The following STPG2 variants were observed in gnomAD, a reference collection of about 807,000 sequenced individuals.
The protein encoded by STPG2 is sperm tail PG-rich repeat containing 2, also known as sperm-tail PG-rich repeat-containing protein 2.
STPG2 carries 56 observed loss-of-function variants against 54.2 expected under a neutral mutation model. That is an observed-to-expected ratio of 1.03 (90% CI 0.83 to 1.29). The LOEUF (loss-of-function observed/expected upper bound fraction) is 1.29. Among genes scored for constraint, STPG2 ranks in the 50% most tolerant of loss-of-function variants. STPG2 has a pLI of 0.00. For synonymous variants in STPG2, 200 were observed against 181.8 expected, an observed-to-expected ratio of 1.10 and a Z score of -0.81; for missense variants, 596 against 544.9, an observed-to-expected ratio of 1.09 and a Z score of -0.93.
At chr4:97,616,743 C>T (rs1466012937) in intron 10 of STPG2, among the ~76,000 whole-genome samples, 1 of 151,948 alleles carries the variant, frequency 6.6e-6, no homozygotes, top group Non-Finnish European at 1.5e-5. Context: ...TTCCTCTCCC[C>T]AAAAAGACTT....
intron 10 of STPG2, among the ~76,000 whole-genome samples, chr4:97,669,214 G>A (rs1015712680): frequency 1.3e-5 from 2 of 152,018 alleles, no homozygotes; most frequent in Non-Finnish European, 2.9e-5. Context: ...TAATTAGTCT[G>A]CAAAAATATA....
intron 10 of STPG2, among the ~76,000 whole-genome samples, chr4:97,562,352 G>A (rs1420056648): frequency 6.6e-6 from 1 of 152,136 alleles, no homozygotes; most frequent in Non-Finnish European, 1.5e-5. Context: ...CTGAGAAAAT[G>A]GGGTTTTCTA....
chr4:97,907,463 A>G (rs1350052966), intron 8 of STPG2, among the ~76,000 whole-genome samples: 5 of 152,192 alleles, frequency 3.3e-5, no homozygotes, highest in African/African-American at 9.7e-5. Flanking sequence ...TACAGATTCA[A>G]TGCCATCCCC....
At chr4:97,812,078 T>C (rs1727757373) in intron 9 of STPG2, among the ~76,000 whole-genome samples, 1 of 152,006 alleles carries the variant, frequency 6.6e-6, no homozygotes, top group African/African-American at 2.4e-5. Flanking sequence ...AGAAATACAA[T>C]ACCAACAAAT....
intron 4 of STPG2, among the ~76,000 whole-genome samples, chr4:97,461,392 G>A (rs558785927): frequency 7.2e-4 from 109 of 152,308 alleles, no homozygotes; most frequent in Admixed American, 1.9e-3. Flanking sequence ...ATGTTATTAG[G>A]AGGTGGTGAC....
chr4:97,521,047 A>G (rs1731170299), intron 4 of STPG2, among the ~76,000 whole-genome samples: 1 of 152,038 alleles, frequency 6.6e-6, no homozygotes, highest in African/African-American at 2.4e-5. Flanking sequence ...AATGTTCCAC[A>G]TGTGATGTTA....
At chr4:97,910,124 G>C (rs924347009) in intron 8 of STPG2, among the ~76,000 whole-genome samples, 7 of 152,152 alleles carry the variant, frequency 4.6e-5, no homozygotes, top group Admixed American at 3.9e-4. Flanking sequence ...GTTTTGTAGA[G>C]ATTGTTATGC....
chr4:97,536,306 G>A (rs1170864087), intron 4 of STPG2, among the ~76,000 whole-genome samples: 1 of 152,122 alleles, frequency 6.6e-6, no homozygotes, highest in Non-Finnish European at 1.5e-5. Flanking sequence ...TGTCAAGGGA[G>A]GGAGCTGGTG....
chr4:97,753,911 A>T (rs1725655956), intron 9 of STPG2, among the ~76,000 whole-genome samples: 1 of 151,700 alleles, frequency 6.6e-6, no homozygotes, highest in African/African-American at 2.4e-5. Context: ...TATCTTTTGG[A>T]TATTAATTCT....
chr4:97,584,975 A>G (rs1732954677), intron 10 of STPG2, among the ~76,000 whole-genome samples: 1 of 151,680 alleles, frequency 6.6e-6, no homozygotes, highest in South Asian at 2.1e-4. Flanking sequence ...ACTATTCCAA[A>G]ATATAAAGAA....
At chr4:97,536,384 A>C (rs939034458) in intron 4 of STPG2, among the ~76,000 whole-genome samples, 10 of 152,142 alleles carry the variant, frequency 6.6e-5, no homozygotes, top group Non-Finnish European at 1.2e-4. Context: ...AGTTCCCAAA[A>C]GATCTGATGG....
At chr4:97,957,332 G>A (rs1733719007) in intron 7 of STPG2, among the ~76,000 whole-genome samples, 1 of 151,660 alleles carries the variant, frequency 6.6e-6, no homozygotes, top group Non-Finnish European at 1.5e-5. Context: ...GAAGGAACTT[G>A]AAGCTTGAAG....
chr4:97,729,315 G>A (rs1724725227), intron 9 of STPG2, among the ~76,000 whole-genome samples: 1 of 152,022 alleles, frequency 6.6e-6, no homozygotes, highest in South Asian at 2.1e-4. Flanking sequence ...TTGGTTGGTG[G>A]AAAAGTAATC....
At position 97,923,306 on chromosome 4, in the gene STPG2, C is replaced by A. The variant is rs1450867724; in HGVS notation, c.1044+20591G>T. Among the ~76,000 whole-genome samples, 171 of 151,998 alleles carry A rather than the reference C, an allele frequency of 1.1e-3. 3 individuals are homozygous for A. The highest frequency in any genetic ancestry group is 9.0e-3 in the East Asian group (46 of 5,094). ...GTGCGCAGCGCTTCCCCTCCCACCC[C>A]CCCCGCCATGGGCTCCTGTGTGGCC... On this transcript the variant is annotated intron_variant, in intron 8 of 10. Transcript: ENST00000295268.
chr4:98,028,982 A>G (rs1223413225), intron 5 of STPG2, among the ~76,000 whole-genome samples: 1 of 152,148 alleles, frequency 6.6e-6, no homozygotes, highest in African/African-American at 2.4e-5. Context: ...TTTCCAAATT[A>G]TAATAATTTT....
intron 3 of STPG2, among the ~76,000 whole-genome samples, chr4:98,126,657 T>C (rs1739840323): frequency 6.6e-6 from 1 of 152,190 alleles, no homozygotes; most frequent in Admixed American, 6.5e-5. Context: ...TTCTTCTCAG[T>C]GAGAGCCACA....
At chr4:97,897,488 T>C (rs1731001648) in intron 8 of STPG2, among the ~76,000 whole-genome samples, 1 of 152,164 alleles carries the variant, frequency 6.6e-6, no homozygotes, top group Admixed American at 6.5e-5. Context: ...CCACCCTGTC[T>C]TCCACAATAG....
At chr4:98,127,880 T>A (rs34423396) in intron 3 of STPG2, among the ~76,000 whole-genome samples, 47,900 of 152,092 alleles carry the variant, frequency 0.31, 7,701 homozygotes, top group Middle Eastern at 0.35. Flanking sequence ...ATTCTCAGAT[T>A]CAAATTCTTT....
intron 5 of STPG2, among the ~76,000 whole-genome samples, chr4:98,062,567 A>G (rs1737696698): frequency 6.6e-6 from 1 of 152,226 alleles, no homozygotes. Flanking sequence ...TTGGAAATAC[A>G]AAAGAAAATT....
Sources: allele counts gnomAD v4.1 joint callset (sites outside exome capture counted in the v4.1 genomes callset), GRCh38; gene constraint gnomAD v4.1.1; transcripts MANE v1.5; gene names NCBI Gene and HGNC (gene_info 2026-07-23, HGNC 2026-07-21).